Variants in ZNF555 observed in about 807,000 individuals in gnomAD.
ZNF555 encodes the protein zinc finger protein 555.
Under a neutral mutation model 14.0 loss-of-function variants are expected in ZNF555, and 10 were observed. The ratio of observed to expected loss-of-function variants is 0.72; its 90% CI spans 0.44 to 1.21. The LOEUF is 1.21. Ranked by LOEUF, ZNF555 falls within the 50% of genes most tolerant of loss-of-function variation. The pLI is 0.00. For synonymous variants in ZNF555, 277 were observed against 262.4 expected, an observed-to-expected ratio of 1.06 and a Z score of -0.54; for missense variants, 747 against 762.0, an observed-to-expected ratio of 0.98 and a Z score of 0.23.
At position 2,856,493 on chromosome 19, in the gene ZNF555, C is replaced by T. The variant is rs10407088; in HGVS notation, c.*2541C>T. The T allele has an allele frequency of 0.4, 60,722 of 152,124 alleles. 12,600 individuals carry two copies. Among genetic ancestry groups the T allele is most frequent in the South Asian group, 0.57 (2,755 of 4,830 alleles). The allele number at this position is 152,124 out of a possible 1,614,324, so 9.4% of individuals were successfully genotyped here. A position where few individuals can be genotyped will look rare whatever the true frequency, so the allele number is the denominator to read the frequency against. ...GTGTTGGGATTACAGGCATGAGCCA[C>T]CACACCCGGCCTAAAATGATTTCTT... On this transcript the variant is annotated 3_prime_UTR_variant, in exon 4 of 4. Transcript: ENST00000334241.
intron 1 of ZNF555, among the ~76,000 whole-genome samples, chr19:2,844,908 T>TA (rs1466691185): frequency 1.3e-5 from 2 of 152,228 alleles, no homozygotes; most frequent in African/African-American, 4.8e-5. Context: ...TTGTGCTGTT[T>TA]AGGGCTCCTG....
At position 2,844,253 on chromosome 19, in the gene ZNF555, C is replaced by T. The variant is rs146912283; in HGVS notation, c.3+2678C>T. 1.4e-3 allele frequency among the ~76,000 whole-genome samples: 209 copies of T among 152,274 alleles called. 1 individual carries two copies. The highest frequency in any genetic ancestry group is 4.9e-3 in the African/African-American group (204 of 41,548). ...GAGTAGCTGGGATTACAGGCATCCG[C>T]CACCACGCCCAGCTAATTTTTGTAT... On this transcript the variant is annotated intron_variant, in intron 1 of 3. Transcript: ENST00000334241.
chr19:2,849,822 C>T (rs941376880), intron 1 of ZNF555, among the ~76,000 whole-genome samples: 1 of 152,158 alleles, frequency 6.6e-6, no homozygotes, highest in East Asian at 1.9e-4. Flanking sequence ...GTGAAAAGAG[C>T]TGTTTTGGCA....
intron 1 of ZNF555, among the ~76,000 whole-genome samples, chr19:2,845,077 G>A (rs1358744331): frequency 6.6e-6 from 1 of 152,176 alleles, no homozygotes. Flanking sequence ...CCCAGATAGT[G>A]GACATGGTAG....
chr19:2,843,672 CCCTTA>C (rs2087557546), intron 1 of ZNF555, among the ~76,000 whole-genome samples: 3 of 152,164 alleles, frequency 2.0e-5, no homozygotes, highest in South Asian at 2.1e-4. Flanking sequence ...TACTGCAGTA[CCCTTA>C]CCTTAATTCT....
rs2087647277 is a variant in ZNF555 at position 2,853,029 on chromosome 19, A to G, written c.964A>G (p.Ser322Gly). The change falls in exon 4 of 4, where the codon AGT becomes GGT. Residue 322 changes from serine (S) to glycine (G), a missense_variant. Physicochemically the swap from Ser to Gly is moderately conservative, Grantham distance 56. Transcript: ENST00000334241. ...ATGTAAAGAATGTGGGGAGGCCTTCAGTTATTCTTCGGCTTTTCGAAGACA... is the reference window on the plus strand; with the variant it reads ...ATGTAAAGAATGTGGGGAGGCCTTCGGTTATTCTTCGGCTTTTCGAAGACA... ...HKCKECGEAF[S>G]YSSAFRRHMI... 1.2e-6 allele frequency: 2 copies of G among 1,614,114 alleles called. No individual in the cohort carries two copies. Among genetic ancestry groups the G allele is most frequent in the African/African-American group, 2.7e-5 (2 of 74,940 alleles).
At position 2,852,994 on chromosome 19, in the gene ZNF555, A is replaced by G; in HGVS notation, c.929A>G (p.Lys310Arg). ...RRHMISHTGEKPHKCKECGEA... is the reference protein window; with the variant it reads ...RRHMISHTGERPHKCKECGEA... ...CATATGATTTCACACACTGGAGAGA[A>G]GCCACATAAATGTAAAGAATGTGGG... Residue 310 changes from lysine (K) to arginine (R), a missense_variant, in exon 4 of 4, where the codon AAG becomes AGG. Physicochemically the swap from Lys to Arg is conservative, Grantham distance 26. Transcript: ENST00000334241. 6.2e-7 allele frequency: 1 copy of G among 1,614,248 alleles called. No homozygotes were observed.
At position 2,853,270 on chromosome 19, in the gene ZNF555, G is replaced by C. The variant is rs2087651382; in HGVS notation, c.1205G>C (p.Gly402Ala). The change falls in exon 4 of 4, where the codon GGG (glycine) becomes GCG (alanine). Residue 402 changes from glycine to alanine, a missense_variant. By Grantham distance (60) the Gly-to-Ala change is moderately conservative. Coordinates refer to ENST00000334241, the MANE Select transcript of ZNF555 (RefSeq NM_152791.5). ...AAACCCTATGAATGCAACCAGTGCG[G>C]GAAAGCATTCAGTCACCCCTCCTCC... ...GEKPYECNQC[G>A]KAFSHPSSFR... 6.2e-7 allele frequency: 1 copy of C among 1,613,936 alleles called. No individual in the cohort carries two copies. The highest frequency in any genetic ancestry group is 1.3e-5 in the African/African-American group (1 of 74,882).
At position 2,858,697 on chromosome 19, in the gene ZNF555, G is replaced by A. The variant is rs2087704751; in HGVS notation, c.*4745G>A. 6.6e-6 allele frequency: 1 copy of A among 152,312 alleles called. No individual in the cohort carries two copies. 9.4% of individuals were successfully genotyped at this position (152,312 alleles called of 1,614,324 possible). On this transcript the variant is annotated 3_prime_UTR_variant, in exon 4 of 4. Coordinates refer to ENST00000334241, the MANE Select transcript of ZNF555 (RefSeq NM_152791.5). ...GAGAAGAGGCAGTGGCAGAACCCAT[G>A]CCATGGAGACACGCCCATCAGCCAC...
Position 2,859,035 on chromosome 19 carries a change from A to C in ZNF555, c.*5083A>C, listed in dbSNP as rs940783272. On this transcript the variant is annotated 3_prime_UTR_variant, in exon 4 of 4. Coordinates refer to ENST00000334241, the MANE Select transcript of ZNF555 (RefSeq NM_152791.5). Reference sequence around the variant, plus strand: ...GAGCGCATGCGCCCTCCTCAGGAGCAGCCTCAAAGCGCGCAGCCTCAGCCC... The same window carrying C: ...GAGCGCATGCGCCCTCCTCAGGAGCCGCCTCAAAGCGCGCAGCCTCAGCCC... 3 of 152,316 alleles carry C rather than the reference A, an allele frequency of 2.0e-5. No homozygotes were observed. The highest frequency in any genetic ancestry group is 2.1e-4 in the South Asian group (1 of 4,826). 9.4% of individuals were successfully genotyped at this position (152,316 alleles called of 1,614,324 possible).
intron 1 of ZNF555, among the ~76,000 whole-genome samples, chr19:2,843,125 C>A (rs148886298): frequency 6.6e-6 from 1 of 151,290 alleles, no homozygotes; most frequent in Non-Finnish European, 1.5e-5. Context: ...GTTAAACATT[C>A]CCTGGAGTGT....
At position 2,860,054 on chromosome 19, in the gene ZNF555, A is replaced by G. The variant is rs2087719253; in HGVS notation, c.*6102A>G. The G allele has an allele frequency of 6.6e-6, 1 of 152,256 alleles. No homozygotes were observed. Among genetic ancestry groups the G allele is most frequent in the African/African-American group, 2.4e-5 (1 of 41,468 alleles). 9.4% of individuals were successfully genotyped at this position (152,256 alleles called of 1,614,324 possible). ...GGAATGCAAGTCAAGTACACTTTGT[A>G]TGGACAGTGGTAATTCCTAAGAAGG... On this transcript the variant is annotated 3_prime_UTR_variant, in exon 4 of 4. Coordinates refer to ENST00000334241, the MANE Select transcript of ZNF555 (RefSeq NM_152791.5).
chr19:2,853,779 GCATT>G lies in ZNF555; in HGVS notation c.1717_1720del (p.Phe573IlefsTer6). On this transcript the variant is annotated frameshift_variant, in exon 4 of 4. Coordinates refer to ENST00000334241, the MANE Select transcript of ZNF555 (RefSeq NM_152791.5). LOFTEE classifies it low-confidence loss of function (END_TRUNC). ...TTATCAATGTAAGCATTGTGGGAAAGCATTCAATTGTTCCTCATCCTTAAGGCGA... is the reference window on the plus strand; with the variant it reads ...TTATCAATGTAAGCATTGTGGGAAAGCAATTGTTCCTCATCCTTAAGGCGA... The G allele has an allele frequency of 1.2e-6, 2 of 1,611,156 alleles. No homozygotes were observed. Among genetic ancestry groups the G allele is most frequent in the Non-Finnish European group, 8.5e-7 (1 of 1,178,334 alleles).
chr19:2,852,756 A>T lies in ZNF555; in HGVS notation c.691A>T (p.Lys231Ter), dbSNP rs1910054428. The T allele has an allele frequency of 6.2e-7, 1 of 1,614,194 alleles. No individual in the cohort carries two copies. The highest frequency in any genetic ancestry group is 8.5e-7 in the Non-Finnish European group (1 of 1,180,028). ...CACTGCTGAGAAAACCTACGAATGT[A>T]AGCAATGTGGGAAAGCCTTTATTGA... ...IHTAEKTYEC[K>*]QCGKAFIDFS... The change falls in exon 4 of 4, where the codon AAG becomes TAG. Residue 231 changes from lysine (K) to a stop codon, truncating the protein, a stop_gained. Transcript: ENST00000334241. LOFTEE classifies it low-confidence loss of function (END_TRUNC).
intron 3 of ZNF555, 48 bp downstream of exon 3, chr19:2,851,699 G>T (rs1599565358): frequency 7.1e-7 from 1 of 1,418,428 alleles, no homozygotes; most frequent in East Asian, 2.6e-5. Context: ...GAGAATCTTA[G>T]TCTGTCATTA....
At chr19:2,850,764 T>C in intron 2 of ZNF555, 51 bp downstream of exon 2, 1 of 1,606,736 alleles carries the variant, frequency 6.2e-7, no homozygotes, top group Non-Finnish European at 8.5e-7. Flanking sequence ...AGAACAAGTA[T>C]TTCTTACACA....
At chr19:2,850,736 C>T (rs2087622149) in intron 2 of ZNF555, 23 bp downstream of exon 2, 3 of 1,611,674 alleles carry the variant, frequency 1.9e-6, no homozygotes, top group Non-Finnish European at 2.5e-6. Flanking sequence ...TCATTCCTTC[C>T]TTCACGTAGT....
chr19:2,853,806 C>T lies in ZNF555; in HGVS notation c.1741C>T (p.Arg581Ter), dbSNP rs1219371364. Residue 581 changes from arginine (R) to a stop codon, truncating the protein, a stop_gained, in exon 4 of 4, where the codon CGA (arginine) becomes TGA (stop). Transcript: ENST00000334241. LOFTEE classifies it low-confidence loss of function (END_TRUNC). ...KAFNCSSSLR[R>*]HVRIHTTEKQ... Reference sequence around the variant, plus strand: ...ATTCAATTGTTCCTCATCCTTAAGGCGACATGTGAGAATACACACTACAGA... The same window carrying T: ...ATTCAATTGTTCCTCATCCTTAAGGTGACATGTGAGAATACACACTACAGA... 47 of 1,612,844 alleles carry T rather than the reference C, an allele frequency of 2.9e-5. No homozygotes were observed. The Admixed American group carries it at 4.8e-4, about 17-fold the overall frequency.
chr19:2,848,436 G>A (rs960250871), intron 1 of ZNF555, among the ~76,000 whole-genome samples: 5 of 151,882 alleles, frequency 3.3e-5, no homozygotes, highest in Non-Finnish European at 7.4e-5. Flanking sequence ...ACAGGCGTGA[G>A]CCACCGCACC....
Sources: gnomAD v4.1 joint callset for allele counts (sites outside exome capture counted in the v4.1 genomes callset) on GRCh38, gnomAD v4.1.1 for gene constraint, MANE v1.5 for transcripts, NCBI Gene and HGNC (gene_info 2026-07-23, HGNC 2026-07-21) for gene names.